The following PADI1 variants were observed in gnomAD, a reference collection of about 807,000 sequenced individuals.
PADI1 encodes the protein peptidyl arginine deiminase 1.
In PADI1, 65 loss-of-function variants were observed where a neutral mutation model predicts 74.8. The observed-to-expected ratio is 0.87, with a 90% CI of 0.71 to 1.07. The LOEUF is 1.07. Ranked by LOEUF, PADI1 falls within the 50% of genes least tolerant of loss-of-function variation. PADI1 has a pLI of 0.00. For synonymous variants in PADI1, 371 were observed against 336.2 expected (o/e 1.10, Z -1.13); for missense variants, 943 against 854.0 (o/e 1.10, Z -1.30).
intron 6 of PADI1, among the ~76,000 whole-genome samples, chr1:17,226,843 A>G (rs34562036): frequency 0.15 from 23,375 of 151,896 alleles, 2,246 homozygotes; most frequent in Admixed American, 0.3. Context: ...AGGTCAGGAG[A>G]TCGAGAACAT....
intron 2 of PADI1, 43 bp downstream of exon 2, chr1:17,222,513 C>T (rs763643380): frequency 2.5e-5 from 37 of 1,461,332 alleles, no homozygotes; most frequent in Admixed American, 2.2e-4. Flanking sequence ...GATCTCTCCA[C>T]CCCCATCCAA....
chr1:17,212,296 G>A (rs1043617395), intron 1 of PADI1, among the ~76,000 whole-genome samples: 3 of 152,300 alleles, frequency 2.0e-5, no homozygotes, highest in East Asian at 1.9e-4. Flanking sequence ...CTGGCCAGGC[G>A]TGCAGGGGAG....
At position 17,237,441 on chromosome 1, in the gene PADI1, C is replaced by T. The variant is rs376946295; in HGVS notation, c.1441C>T (p.Pro481Ser). The T allele has an allele frequency of 2.0e-5, 32 of 1,611,974 alleles. No homozygotes were observed. The highest frequency in any genetic ancestry group is 2.6e-5 in the Non-Finnish European group (31 of 1,178,890). The change falls in exon 12 of 16, where the codon CCT becomes TCT. Residue 481 changes from proline to serine, a missense_variant. Coordinates refer to ENST00000375471, the MANE Select transcript of PADI1 (RefSeq NM_013358.3). ...TGTGGACGAGTTTCTGACCTTTGTGCCTACCTCTGACCAAAAGGTGCGTCC... is the reference window on the plus strand; with the variant it reads ...TGTGGACGAGTTTCTGACCTTTGTGTCTACCTCTGACCAAAAGGTGCGTCC... Reference protein sequence around the residue: ...GHVDEFLTFVPTSDQKGFRLL... With the variant: ...GHVDEFLTFVSTSDQKGFRLL...
At chr1:17,228,889 G>T in intron 7 of PADI1, 59 bp from the exon 8 acceptor site, 4 of 1,582,520 alleles carry the variant, frequency 2.5e-6, no homozygotes, top group African/African-American at 1.3e-5. Context: ...GGGGCTGGGG[G>T]GGCTTGAGGC....
At chr1:17,237,078 GCTTA>G (rs2072660780) in intron 11 of PADI1, among the ~76,000 whole-genome samples, 1 of 152,234 alleles carries the variant, frequency 6.6e-6, no homozygotes, top group African/African-American at 2.4e-5. Context: ...TCATCAGGAG[GCTTA>G]AACAAGACAC....
At chr1:17,243,430 G>T (rs899668170) in intron 15 of PADI1, among the ~76,000 whole-genome samples, 1 of 152,214 alleles carries the variant, frequency 6.6e-6, no homozygotes, top group Non-Finnish European at 1.5e-5. Flanking sequence ...TCATTCTCTG[G>T]CTGTATGATT....
In PADI1 at chr1:17,238,646, G is replaced by A. The variant is rs531986952; in HGVS notation, c.1489G>A (p.Ala497Thr). The A allele has an allele frequency of 2.5e-5, 39 of 1,549,626 alleles. No homozygotes were observed. The highest frequency in any genetic ancestry group is 2.4e-5 in the South Asian group (2 of 82,952). The change falls in exon 13 of 16, where the codon GCT becomes ACT. Residue 497 changes from alanine to threonine, a missense_variant. By Grantham distance (58) the Ala-to-Thr change is moderately conservative. Transcript: ENST00000375471. ...CCGGCTGCTCCTGGCTAGCCCCAGC[G>A]CTTGCCTCAAACTCTTCCAAGAGAA... Reference protein sequence around the residue: ...GFRLLLASPSACLKLFQEKKE... With the variant: ...GFRLLLASPSTCLKLFQEKKE...
At chr1:17,227,601 G>T (rs1314022363) in intron 6 of PADI1, among the ~76,000 whole-genome samples, 2 of 151,980 alleles carry the variant, frequency 1.3e-5, no homozygotes, top group Non-Finnish European at 1.5e-5. Context: ...CTTAACCCCG[G>T]ACTGCTCTTA....
At chr1:17,211,127 G>A (rs1484883586) in intron 1 of PADI1, among the ~76,000 whole-genome samples, 2 of 152,214 alleles carry the variant, frequency 1.3e-5, no homozygotes, top group Non-Finnish European at 2.9e-5. Context: ...GTCCTCTTTT[G>A]TCCGGGTCTG....
At chr1:17,232,778 C>G (rs1354122633) in intron 10 of PADI1, 41 bp from the exon 11 acceptor site, 1 of 1,582,918 alleles carries the variant, frequency 6.3e-7, no homozygotes, top group Non-Finnish European at 8.6e-7. Flanking sequence ...CCTCACTGAC[C>G]TCTCCTTCTT....
intron 1 of PADI1, among the ~76,000 whole-genome samples, chr1:17,213,853 G>A (rs765773416): frequency 3.9e-5 from 6 of 152,302 alleles, no homozygotes; most frequent in Admixed American, 1.3e-4. Flanking sequence ...CGCCCTCCGC[G>A]TCTCCTTTTG....
intron 1 of PADI1, among the ~76,000 whole-genome samples, chr1:17,206,971 G>A (rs972735213): frequency 2.0e-5 from 3 of 152,096 alleles, no homozygotes; most frequent in Non-Finnish European, 4.4e-5. Flanking sequence ...GTGAGCCACC[G>A]TACCTGGCCA....
At position 17,226,172 on chromosome 1, in the gene PADI1, T is replaced by C. The variant is rs766808295; in HGVS notation, c.652+14T>C. 3 of 1,613,878 alleles carry C rather than the reference T, an allele frequency of 1.9e-6. No homozygotes were observed. Among genetic ancestry groups the C allele is most frequent in the Non-Finnish European group, 2.5e-6 (3 of 1,179,844 alleles). On this transcript the variant is annotated intron_variant, in intron 6 of 15. Transcript: ENST00000375471. ...TCTGTGCCAGGGGTGAGTGGCCTGATGGGGCCTTTTCCTCCCAGCTCCATC... is the reference window on the plus strand; with the variant it reads ...TCTGTGCCAGGGGTGAGTGGCCTGACGGGGCCTTTTCCTCCCAGCTCCATC...
At chr1:17,212,347 G>A (rs2977277) in intron 1 of PADI1, among the ~76,000 whole-genome samples, 118,175 of 150,990 alleles carry the variant, frequency 0.78, 46,511 homozygotes, top group East Asian at 0.96. Context: ...CAGCCTTTTC[G>A]TCCGATTCTG....
At chr1:17,219,960 G>C (rs1375438114) in intron 1 of PADI1, among the ~76,000 whole-genome samples, 1 of 152,108 alleles carries the variant, frequency 6.6e-6, no homozygotes, top group Non-Finnish European at 1.5e-5. Context: ...TGGTGGCTGG[G>C]ATTGAAAGGG....
chr1:17,220,655 C>T (rs188342827), intron 1 of PADI1, among the ~76,000 whole-genome samples: 1 of 152,054 alleles, frequency 6.6e-6, no homozygotes, highest in Admixed American at 6.5e-5. Context: ...ATGGCTCTGC[C>T]GTGGGGGATG....
At chr1:17,210,945 G>T (rs1273346385) in intron 1 of PADI1, among the ~76,000 whole-genome samples, 1 of 152,188 alleles carries the variant, frequency 6.6e-6, no homozygotes, top group African/African-American at 2.4e-5. Flanking sequence ...GCTGGGTTCT[G>T]GCACTCGGTG....
chr1:17,219,563 G>A (rs1330971723), intron 1 of PADI1, among the ~76,000 whole-genome samples: 1 of 152,112 alleles, frequency 6.6e-6, no homozygotes, highest in East Asian at 1.9e-4. Context: ...GAGGGACCAG[G>A]GTGCAGCACA....
At chr1:17,214,468 G>A (rs1053685723) in intron 1 of PADI1, among the ~76,000 whole-genome samples, 3 of 152,172 alleles carry the variant, frequency 2.0e-5, no homozygotes, top group African/African-American at 4.8e-5. Context: ...GGTGACTCCT[G>A]TAGTGGTAAT....
Sources: gnomAD v4.1 joint callset for allele counts (sites outside exome capture counted in the v4.1 genomes callset) on GRCh38, gnomAD v4.1.1 for gene constraint, MANE v1.5 for transcripts, NCBI Gene and HGNC (gene_info 2026-07-23, HGNC 2026-07-21) for gene names.